The following ACOT11 variants were observed in gnomAD, a reference collection of about 807,000 sequenced individuals.
The protein encoded by ACOT11 is acyl-CoA thioesterase 11, also known as acyl-coenzyme A thioesterase 11.
In ACOT11, 69 loss-of-function variants were observed where a neutral mutation model predicts 77.5. The observed-to-expected ratio is 0.89, with a 90% confidence interval of 0.73 to 1.09. The LOEUF (loss-of-function observed/expected upper bound fraction) is 1.09. Among genes scored for constraint, ACOT11 ranks in the 50% least tolerant of loss-of-function variants. The pLI, the probability that ACOT11 is intolerant of heterozygous loss-of-function variation, is 0.00. For missense variants in ACOT11, 766 were observed against 813.7 expected, an observed-to-expected ratio of 0.94 and a Z score of 0.71; for synonymous variants, 279 against 313.0, an observed-to-expected ratio of 0.89 and a Z score of 1.15.
intron 1 of ACOT11, among the ~76,000 whole-genome samples, chr1:54,569,681 G>A (rs1208590039): frequency 6.6e-6 from 1 of 152,202 alleles, no homozygotes; most frequent in Non-Finnish European, 1.5e-5. Flanking sequence ...AATTGTTATT[G>A]TTGAGTGTGT....
rs551473997 is a variant in ACOT11, at chr1:54,581,816, C to A, written c.34-2839C>A. Among the ~76,000 whole-genome samples, 4 of 152,324 alleles carry A rather than the reference C, an allele frequency of 2.6e-5. No homozygotes were observed. The East Asian group carries it at 7.7e-4, about 29-fold the overall frequency. ...GGGAGGAGTGGCCCAGCTCTGGAGC[C>A]CCATTGGCCAAAACTTGCCTGGGCT... On this transcript the variant is annotated intron_variant, in intron 1 of 15. Coordinates refer to ENST00000343744, the MANE Select transcript of ACOT11 (RefSeq NM_147161.4).
intron 11 of ACOT11, 69 bp from the exon 12 acceptor site, chr1:54,604,277 C>A: frequency 1.4e-6 from 2 of 1,473,308 alleles, no homozygotes; most frequent in Non-Finnish European, 1.9e-6. Context: ...TCTGGCACAC[C>A]CTTGGCCTTG....
intron 1 of ACOT11, among the ~76,000 whole-genome samples, chr1:54,557,652 T>C (rs1653309913): frequency 6.6e-6 from 1 of 152,138 alleles, no homozygotes; most frequent in Admixed American, 6.5e-5. Flanking sequence ...GTCAATGGGA[T>C]TGTTTTCCAG....
intron 1 of ACOT11, among the ~76,000 whole-genome samples, chr1:54,553,390 C>T (rs1653140434): frequency 6.6e-6 from 1 of 151,352 alleles, no homozygotes; most frequent in Non-Finnish European, 1.5e-5. Flanking sequence ...CCCAGTTGAA[C>T]CTGGGAGGTG....
chr1:54,602,316 G>A (rs1443456448), intron 9 of ACOT11, among the ~76,000 whole-genome samples: 1 of 152,212 alleles, frequency 6.6e-6, no homozygotes, highest in Non-Finnish European at 1.5e-5. Context: ...AGGATTTGGT[G>A]CAATTCCACA....
rs1044455696 is a variant in ACOT11, at chr1:54,609,198, CTTTA to C, written c.*90_*93del. 20 of 1,595,114 alleles carry C rather than the reference CTTTA, an allele frequency of 1.3e-5. No individual in the cohort carries two copies. Among genetic ancestry groups the C allele is most frequent in the Middle Eastern group, 1.7e-4 (1 of 5,952 alleles). ...ACAGTGCCTGGAGAAAGCCAAAGAC[CTTTA>C]TTTCTTCCTGCCTCCCCGTGGGAAG... On this transcript the variant is annotated 3_prime_UTR_variant, in exon 16 of 16. Transcript: ENST00000343744.
intron 3 of ACOT11, among the ~76,000 whole-genome samples, chr1:54,586,324 A>G (rs1353544582): frequency 6.6e-6 from 1 of 152,150 alleles, no homozygotes; most frequent in African/African-American, 2.4e-5. Flanking sequence ...CCCCCTAGAC[A>G]AGGTGCCTTG....
chr1:54,623,546 C>T (rs1023912884), intron 15 of ACOT11: 13 of 661,128 alleles, frequency 2.0e-5, no homozygotes, highest in East Asian at 2.5e-5. Flanking sequence ...AATATCCCCT[C>T]TGGAGATAAC....
At chr1:54,631,053 A>G (rs1187787570) in intron 16 of ACOT11, among the ~76,000 whole-genome samples, 1 of 152,228 alleles carries the variant, frequency 6.6e-6, no homozygotes, top group African/African-American at 2.4e-5. Flanking sequence ...CTGAAGCTAA[A>G]GCGGCAAAGG....
In ACOT11 at chr1:54,582,979, A is replaced by T. The variant is rs115387846; in HGVS notation, c.34-1676A>T. 8.7e-3 allele frequency among the ~76,000 whole-genome samples: 1,318 copies of T among 151,916 alleles called. 16 individuals are homozygous for T. The highest frequency in any genetic ancestry group is 0.03 in the African/African-American group (1,251 of 41,432). On this transcript the variant is annotated intron_variant, in intron 1 of 15. Coordinates refer to ENST00000343744, the MANE Select transcript of ACOT11 (RefSeq NM_147161.4). ...AGTGTGGACGAATGGAGTCCTGCCT[A>T]CCACCTCCCTCTACCCACTCCCACA...
rs1026889411 is a variant in ACOT11, at chr1:54,607,349, C to G, written c.1502+84C>G. Reference sequence around the variant, plus strand: ...GCTTCTCCCTCCCAGGGAAGGGCATCAGCCTGGAGCCAGAGCTCTGCTTCC... The same window carrying G: ...GCTTCTCCCTCCCAGGGAAGGGCATGAGCCTGGAGCCAGAGCTCTGCTTCC... On this transcript the variant is annotated intron_variant, in intron 14 of 15. Transcript: ENST00000343744. This position sits in a 1 kb window ranked among gnomAD's most constrained non-coding sequence, Gnocchi z 4.5. 3.8e-6 allele frequency: 6 copies of G among 1,580,430 alleles called. No individual in the cohort carries two copies. In the African/African-American group the frequency reaches 8.1e-5, roughly 21 times the overall value.
intron 6 of ACOT11, among the ~76,000 whole-genome samples, chr1:54,596,584 T>C (rs1472955880): frequency 6.6e-6 from 1 of 152,046 alleles, no homozygotes; most frequent in Non-Finnish European, 1.5e-5. Context: ...GTGATTATTA[T>C]TTTTTTTGAG....
rs41297137 is a variant in ACOT11 at position 54,609,668 on chromosome 1, G to T, written c.*556G>T. The T allele has an allele frequency of 6.2e-7, 1 of 1,613,856 alleles. No homozygotes were observed. The highest frequency in any genetic ancestry group is 8.5e-7 in the Non-Finnish European group (1 of 1,180,034). The stretch of plus-strand genomic sequence containing the variant: ...TCTGCCAGCCACATGGCCGGGGACC[G>T]AAAAACTCCCGTGGGAGATTTTGGC... On this transcript the variant is annotated 3_prime_UTR_variant, in exon 16 of 16. Coordinates refer to ENST00000343744, the MANE Select transcript of ACOT11 (RefSeq NM_147161.4).
chr1:54,568,896 CT>C (rs1653835568), intron 1 of ACOT11, among the ~76,000 whole-genome samples: 1 of 151,968 alleles, frequency 6.6e-6, no homozygotes, highest in Non-Finnish European at 1.5e-5. Context: ...TGGCTAAAAA[CT>C]TTTTCTTTTA....
downstream of ACOT11, chr1:54,612,731 T>C (rs1400578353): frequency 6.3e-7 from 1 of 1,599,908 alleles, no homozygotes; most frequent in Admixed American, 1.7e-5. Flanking sequence ...ATCAGAGATG[T>C]TGGTCTCACG....
Position 54,609,708 on chromosome 1 carries a change from G to A in ACOT11, c.*596G>A. The A allele has an allele frequency of 6.2e-7, 1 of 1,614,064 alleles. No individual in the cohort carries two copies. Among genetic ancestry groups the A allele is most frequent in the Non-Finnish European group, 8.5e-7 (1 of 1,180,012 alleles). On this transcript the variant is annotated 3_prime_UTR_variant, in exon 16 of 16. Transcript: ENST00000343744. ...GAGATTTTGGCCCCAACCCACACAG[G>A]CCAATGCAAGAGGCCAAGGCTGGAG... is the stretch of plus-strand genomic sequence containing the variant.
chr1:54,638,803 A>G (rs2101038166), exon 17 of ACOT11: 1 of 152,370 alleles, frequency 6.6e-6, no homozygotes, highest in East Asian at 1.9e-4. Flanking sequence ...GGTGTGAACC[A>G]CTGTGCTCAG....
chr1:54,616,203 C>CT (rs751159462), intron 15 of ACOT11: 5 of 1,563,994 alleles, frequency 3.2e-6, no homozygotes, highest in East Asian at 2.3e-5. Flanking sequence ...CAGTGAGTTC[C>CT]TTTTTTTAAA....
At chr1:54,585,556 G>A (rs564748857) in intron 2 of ACOT11, among the ~76,000 whole-genome samples, 49 of 152,334 alleles carry the variant, frequency 3.2e-4, no homozygotes, top group African/African-American at 8.4e-4. Flanking sequence ...TTCCAGGACT[G>A]GGGTACAGCA....
Sources: gnomAD v4.1 joint callset for allele counts (sites outside exome capture counted in the v4.1 genomes callset) on GRCh38, gnomAD v4.1.1 for gene constraint, Gnocchi (gnomAD v3.1) non-coding constraint, MANE v1.5 for transcripts, NCBI Gene and HGNC (gene_info 2026-07-23, HGNC 2026-07-21) for gene names.